Variants in LOC400499 observed in about 807,000 individuals in gnomAD.
chr16:11,434,417 G>C, the LOC400499 span, among the ~76,000 whole-genome samples: 1 of 152,104 alleles, frequency 6.6e-6, no homozygotes, highest in African/African-American at 2.4e-5. Flanking sequence ...AGCTACTAGA[G>C]AGGCTGAGGG....
At chr16:11,517,489 T>A in the LOC400499 span, among the ~76,000 whole-genome samples, 1 of 152,144 alleles carries the variant, frequency 6.6e-6, no homozygotes, top group Non-Finnish European at 1.5e-5. Context: ...ACATTCTGGA[T>A]GAGGAAACAG....
the LOC400499 span, among the ~76,000 whole-genome samples, chr16:11,381,718 C>A: frequency 1.3e-5 from 2 of 152,208 alleles, no homozygotes; most frequent in Non-Finnish European, 2.9e-5. Flanking sequence ...TGGGTACACA[C>A]ACTAACCTCA....
chr16:11,408,313 G>A, the LOC400499 span, among the ~76,000 whole-genome samples: 1 of 152,068 alleles, frequency 6.6e-6, no homozygotes, highest in Non-Finnish European at 1.5e-5. Context: ...GCTCACTAGA[G>A]GCGTCATTTC....
chr16:11,503,495 C>A, the LOC400499 span, among the ~76,000 whole-genome samples: 780 of 152,294 alleles, frequency 5.1e-3, 2 homozygotes, highest in Middle Eastern at 0.014. Context: ...TGCAGGGAAG[C>A]CCCCATACTT....
chr16:11,410,047 G>C, the LOC400499 span, among the ~76,000 whole-genome samples: 1 of 152,214 alleles, frequency 6.6e-6, no homozygotes, highest in Non-Finnish European at 1.5e-5. Context: ...CAGAGGCTGA[G>C]GCAGGAGGAT....
chr16:11,493,632 A>C, the LOC400499 span: 2 of 396,460 alleles, frequency 5.0e-6, no homozygotes, highest in Non-Finnish European at 8.9e-6. Flanking sequence ...GAAACAGCAC[A>C]CAAGGGCTCA....
chr16:11,461,373 C>CCA, the LOC400499 span, among the ~76,000 whole-genome samples: 1 of 151,970 alleles, frequency 6.6e-6, no homozygotes, highest in African/African-American at 2.4e-5. Context: ...ACGTGTGCCA[C>CCA]CACACTTGGC....
the LOC400499 span, among the ~76,000 whole-genome samples, chr16:11,474,004 C>T: frequency 6.6e-6 from 1 of 152,136 alleles, no homozygotes; most frequent in African/African-American, 2.4e-5. Context: ...CTGGTGCACG[C>T]CACCATGCCC....
At chr16:11,500,072 A>C in the LOC400499 span, among the ~76,000 whole-genome samples, 3 of 152,198 alleles carry the variant, frequency 2.0e-5, no homozygotes, top group East Asian at 5.8e-4. Flanking sequence ...AGACTCATTA[A>C]ATATGTGTGT....
the LOC400499 span, among the ~76,000 whole-genome samples, chr16:11,418,271 G>A: frequency 6.6e-6 from 1 of 152,036 alleles, no homozygotes; most frequent in South Asian, 2.1e-4. Flanking sequence ...ATAGACACTG[G>A]GTAAAGTAAG....
the LOC400499 span, among the ~76,000 whole-genome samples, chr16:11,489,488 G>C: frequency 9.2e-6 from 1 of 108,864 alleles, no homozygotes; most frequent in Non-Finnish European, 1.7e-5. Context: ...AAGAGCCTCA[G>C]GGGACTGAAT....
the LOC400499 span, among the ~76,000 whole-genome samples, chr16:11,454,985 C>A: frequency 6.6e-6 from 1 of 152,114 alleles, no homozygotes; most frequent in African/African-American, 2.4e-5. Flanking sequence ...AGAAAAATAA[C>A]AAAACTAATT....
At chr16:11,504,691 G>C in the LOC400499 span, among the ~76,000 whole-genome samples, 1 of 152,092 alleles carries the variant, frequency 6.6e-6, no homozygotes, top group African/African-American at 2.4e-5. Context: ...GGGAGGTCGA[G>C]GCAGGCAGAT....
At chr16:11,438,898 C>T in the LOC400499 span, among the ~76,000 whole-genome samples, 2 of 152,190 alleles carry the variant, frequency 1.3e-5, no homozygotes, top group African/African-American at 4.8e-5. Flanking sequence ...AGTTTAAAAC[C>T]AGCCTGGGCA....
chr16:11,469,278 A>G, the LOC400499 span: 1 of 399,236 alleles, frequency 2.5e-6, no homozygotes, highest in East Asian at 3.6e-5. Context: ...ACAAGAGTTT[A>G]GAGACAAGGG....
At chr16:11,525,619 C>T in the LOC400499 span, among the ~76,000 whole-genome samples, 1 of 152,098 alleles carries the variant, frequency 6.6e-6, no homozygotes, top group Non-Finnish European at 1.5e-5. Flanking sequence ...CGATTGTGCA[C>T]AAGCCCAGCA....
At chr16:11,457,034 C>A in the LOC400499 span, 1 of 1,523,482 alleles carries the variant, frequency 6.6e-7, no homozygotes. Flanking sequence ...GCACCTGCAG[C>A]ACAAACTGGA....
chr16:11,385,937 G>A, the LOC400499 span, among the ~76,000 whole-genome samples: 3 of 152,164 alleles, frequency 2.0e-5, no homozygotes, highest in African/African-American at 4.8e-5. Flanking sequence ...TTGGGGGACT[G>A]AGGCAGGAGG....
At chr16:11,446,775 G>A in the LOC400499 span, 1 of 1,536,054 alleles carries the variant, frequency 6.5e-7, no homozygotes. Context: ...GGCAGCCCAG[G>A]ACCATGGTCT....
Sources: allele counts gnomAD v4.1 joint callset (sites outside exome capture counted in the v4.1 genomes callset), GRCh38; gene constraint gnomAD v4.1.1; transcripts MANE v1.5.